Variants in KCND2 observed in about 807,000 individuals in gnomAD.
The protein encoded by KCND2 is potassium voltage-gated channel subfamily D member 2, also known as A-type voltage-gated potassium channel KCND2.
In KCND2, 16 loss-of-function variants were observed where a neutral mutation model predicts 54.4. That is an observed-to-expected ratio of 0.29 (90% CI 0.20 to 0.45). The LOEUF (loss-of-function observed/expected upper bound fraction) is 0.45. Ranked by LOEUF, KCND2 falls within the 20% of genes least tolerant of loss-of-function variation. The pLI, the probability that KCND2 is intolerant of heterozygous loss-of-function variation, is 1.00. For missense variants in KCND2, 486 were observed against 824.2 expected, an observed-to-expected ratio of 0.59 and a Z score of 5.02; for synonymous variants, 317 against 310.7, an observed-to-expected ratio of 1.02 and a Z score of -0.21.
At chr7:120,567,791 C>T (rs552899151) in intron 1 of KCND2, among the ~76,000 whole-genome samples, 75 of 152,176 alleles carry the variant, frequency 4.9e-4, no homozygotes, top group African/African-American at 1.8e-3. Flanking sequence ...TGCACACCAA[C>T]ATCATGGGTG....
At position 120,435,843 on chromosome 7, in the gene KCND2, T is replaced by G. The variant is rs74867696; in HGVS notation, c.1115+160096T>G. ...TGTTTGAGTGTTTGGGCAATTGATG[T>G]GTTTTTCCAGTTCCCCTAGTAGAGC... On this transcript the variant is annotated intron_variant, in intron 1 of 5. Transcript: ENST00000331113. Among the ~76,000 whole-genome samples, 184 of 152,288 alleles carry G rather than the reference T, an allele frequency of 1.2e-3. 1 individual carries two copies. In the East Asian group the frequency reaches 0.015, roughly 12 times the overall value.
At chr7:120,671,880 A>G (rs1309317656) in intron 1 of KCND2, among the ~76,000 whole-genome samples, 19 of 152,146 alleles carry the variant, frequency 1.2e-4, no homozygotes, top group Admixed American at 1.2e-3. Flanking sequence ...TCACACAGCA[A>G]TGAACTCATG....
chr7:120,711,637 A>C (rs754329132), intron 1 of KCND2, among the ~76,000 whole-genome samples: 2 of 152,156 alleles, frequency 1.3e-5, no homozygotes, highest in African/African-American at 2.4e-5. Flanking sequence ...CTTGACATTA[A>C]TTATTTGTAT....
At chr7:120,484,834 T>C (rs1197540777) in intron 1 of KCND2, among the ~76,000 whole-genome samples, 1 of 152,142 alleles carries the variant, frequency 6.6e-6, no homozygotes, top group Non-Finnish European at 1.5e-5. Flanking sequence ...AAAAACTTGT[T>C]TGTTAATATT....
chr7:120,421,460 A>T (rs747349494), intron 1 of KCND2, among the ~76,000 whole-genome samples: 1 of 152,248 alleles, frequency 6.6e-6, no homozygotes, highest in Non-Finnish European at 1.5e-5. Context: ...TCTATTTTGC[A>T]TAATGGAAAC....
chr7:120,374,301 G>A (rs1335312209), intron 1 of KCND2, among the ~76,000 whole-genome samples: 1 of 151,724 alleles, frequency 6.6e-6, no homozygotes, highest in African/African-American at 2.4e-5. Context: ...AAGTCCGAAA[G>A]TTATGGATTT....
At chr7:120,618,165 A>G (rs1180647245) in intron 1 of KCND2, among the ~76,000 whole-genome samples, 1 of 152,220 alleles carries the variant, frequency 6.6e-6, no homozygotes, top group Non-Finnish European at 1.5e-5. Context: ...CAAAAATAAA[A>G]GTTGAAATAA....
intron 1 of KCND2, among the ~76,000 whole-genome samples, chr7:120,672,701 T>A (rs1399554466): frequency 6.6e-6 from 1 of 152,092 alleles, no homozygotes; most frequent in Non-Finnish European, 1.5e-5. Context: ...GGCTGACTTG[T>A]GTCTCCCTAG....
At chr7:120,724,982 T>C (rs80296844) in intron 1 of KCND2, among the ~76,000 whole-genome samples, 1,597 of 152,298 alleles carry the variant, frequency 0.01, 13 homozygotes, top group East Asian at 0.033. Flanking sequence ...AAAAAACACT[T>C]CATTAGAATG....
At chr7:120,707,329 A>G (rs1792481859) in intron 1 of KCND2, among the ~76,000 whole-genome samples, 1 of 152,126 alleles carries the variant, frequency 6.6e-6, no homozygotes, top group Non-Finnish European at 1.5e-5. Context: ...GGAGGGTGGT[A>G]AGTGTCAGTC....
chr7:120,334,351 C>A lies in KCND2; in HGVS notation c.1115+58604C>A, dbSNP rs192043245. On this transcript the variant is annotated intron_variant, in intron 1 of 5. Coordinates refer to ENST00000331113, the MANE Select transcript of KCND2 (RefSeq NM_012281.3). ...ATGATGGTTACAGGGACATTAACAT[C>A]TCTTTAACAAAATGATGGATTTTCC... 1.4e-3 allele frequency among the ~76,000 whole-genome samples: 219 copies of A among 152,296 alleles called. 3 individuals carry two copies. Among genetic ancestry groups the A allele is most frequent in the African/African-American group, 5.0e-3 (208 of 41,584 alleles).
chr7:120,371,633 C>T (rs1800767422), intron 1 of KCND2, among the ~76,000 whole-genome samples: 1 of 152,016 alleles, frequency 6.6e-6, no homozygotes. Flanking sequence ...ACTTCCGGTT[C>T]TGCAGGTTCC....
At chr7:120,395,041 A>G (rs761043893) in intron 1 of KCND2, among the ~76,000 whole-genome samples, 2 of 152,072 alleles carry the variant, frequency 1.3e-5, no homozygotes, top group Non-Finnish European at 2.9e-5. Context: ...AAACTCTCCT[A>G]TGATGATAAC....
At chr7:120,736,228 C>T (rs1439834176) in intron 2 of KCND2, among the ~76,000 whole-genome samples, 2 of 151,996 alleles carry the variant, frequency 1.3e-5, no homozygotes, top group African/African-American at 4.8e-5. Context: ...GAAATACTTT[C>T]CTTCTTCTAG....
chr7:120,389,433 A>G (rs1169173822), intron 1 of KCND2, among the ~76,000 whole-genome samples: 1 of 151,810 alleles, frequency 6.6e-6, no homozygotes, highest in Non-Finnish European at 1.5e-5. Context: ...AATATTATTA[A>G]CTATGGTCCT....
chr7:120,473,451 G>C (rs1363507857), intron 1 of KCND2, among the ~76,000 whole-genome samples: 1 of 152,134 alleles, frequency 6.6e-6, no homozygotes, highest in Non-Finnish European at 1.5e-5. Context: ...ATTTGGCTGA[G>C]TCTTTCTAGT....
chr7:120,684,747 C>T (rs991544557), intron 1 of KCND2, among the ~76,000 whole-genome samples: 2 of 152,136 alleles, frequency 1.3e-5, no homozygotes, highest in African/African-American at 2.4e-5. Context: ...CCCCATCACT[C>T]GCAATATCAC....
intron 1 of KCND2, among the ~76,000 whole-genome samples, chr7:120,636,235 G>A (rs965164931): frequency 1.3e-5 from 2 of 152,104 alleles, no homozygotes; most frequent in African/African-American, 4.8e-5. Context: ...AACTCAGTTT[G>A]TGGGGTGGGT....
chr7:120,326,488 C>T (rs886977819), intron 1 of KCND2, among the ~76,000 whole-genome samples: 2 of 152,100 alleles, frequency 1.3e-5, no homozygotes, highest in African/African-American at 2.4e-5. Flanking sequence ...TGTGTGTAAA[C>T]ATTCATGCAT....
Sources: gnomAD v4.1 joint callset for allele counts (sites outside exome capture counted in the v4.1 genomes callset) on GRCh38, gnomAD v4.1.1 for gene constraint, MANE v1.5 for transcripts, NCBI Gene and HGNC (gene_info 2026-07-23, HGNC 2026-07-21) for gene names.